Variants in ZNF516 observed in about 807,000 individuals in gnomAD.
The protein encoded by ZNF516 is zinc finger protein 516.
A neutral mutation model predicts 79.7 loss-of-function variants in ZNF516; 19 were observed. The observed-to-expected ratio is 0.24, with a 90% CI of 0.17 to 0.35. The LOEUF is 0.35. Ranked by LOEUF, ZNF516 falls within the 10% of genes least tolerant of loss-of-function variation. The pLI is 1.00. For synonymous variants in ZNF516, 877 were observed against 739.5 expected (o/e 1.19, Z -3.02); for missense variants, 1,678 against 1,679.5 (o/e 1.00, Z 0.02).
At chr18:76,423,119 G>T (rs2075529162) in intron 3 of ZNF516, among the ~76,000 whole-genome samples, 1 of 152,142 alleles carries the variant, frequency 6.6e-6, no homozygotes, top group Admixed American at 6.5e-5. Flanking sequence ...CAATCTAACA[G>T]AGACCCATTA....
chr18:76,362,188 C>T lies in ZNF516; in HGVS notation c.*310G>A. On this transcript the variant is annotated 3_prime_UTR_variant, in exon 7 of 7. Transcript: ENST00000443185. ...ACAGATGCCTTGTGCCCCTACTGTGCCTGCCAGTACTACTGTTTATTATAA... is the reference window on the plus strand; with the variant it reads ...ACAGATGCCTTGTGCCCCTACTGTGTCTGCCAGTACTACTGTTTATTATAA... 3.5e-6 allele frequency: 1 copy of T among 285,026 alleles called. No individual in the cohort carries two copies. 17.7% of individuals were successfully genotyped at this position (285,026 alleles called of 1,614,324 possible).
chr18:76,366,465 G>T (rs1050746770), intron 6 of ZNF516, among the ~76,000 whole-genome samples: 25 of 152,238 alleles, frequency 1.6e-4, no homozygotes, highest in African/African-American at 5.8e-4. Context: ...TCTCTTTAAT[G>T]AATAATTAAC....
intron 1 of ZNF516, among the ~76,000 whole-genome samples, chr18:76,487,042 T>C (rs1043443637): frequency 6.6e-6 from 1 of 152,350 alleles, no homozygotes; most frequent in Non-Finnish European, 1.5e-5. Flanking sequence ...ATTTACATGT[T>C]TGCTTTCTAA....
intron 3 of ZNF516, among the ~76,000 whole-genome samples, chr18:76,412,915 G>T (rs1485237237): frequency 1.3e-5 from 2 of 152,118 alleles, no homozygotes; most frequent in Non-Finnish European, 2.9e-5. Context: ...CCACCTCTGA[G>T]TCCCGCCATA....
intron 3 of ZNF516, among the ~76,000 whole-genome samples, chr18:76,403,578 A>T (rs1166030177): frequency 1.3e-5 from 2 of 152,126 alleles, no homozygotes; most frequent in East Asian, 3.9e-4. Flanking sequence ...CCCAGCCCTG[A>T]CCCTCACGTA....
intron 3 of ZNF516, among the ~76,000 whole-genome samples, chr18:76,418,279 A>C (rs114375517): frequency 0.019 from 2,848 of 152,214 alleles, 48 homozygotes; most frequent in African/African-American, 0.041. Flanking sequence ...ACTAACATAC[A>C]CTGTAACGCA....
At chr18:76,458,323 T>C (rs575243311) in intron 2 of ZNF516, among the ~76,000 whole-genome samples, 1 of 152,342 alleles carries the variant, frequency 6.6e-6, no homozygotes, top group African/African-American at 2.4e-5. Flanking sequence ...CCGCAGTGCA[T>C]GGAGCTCCAA....
At chr18:76,458,539 C>T (rs969004180) in intron 2 of ZNF516, among the ~76,000 whole-genome samples, 10 of 152,252 alleles carry the variant, frequency 6.6e-5, no homozygotes, top group African/African-American at 2.4e-4. Context: ...AAGGGAATCC[C>T]GTCCCTGAGA....
chr18:76,452,515 C>A (rs1319682986), intron 2 of ZNF516, among the ~76,000 whole-genome samples: 1 of 152,206 alleles, frequency 6.6e-6, no homozygotes, highest in African/African-American at 2.4e-5. Flanking sequence ...CTGGAGTCAT[C>A]ATGCTATTTA....
In ZNF516 at chr18:76,379,682, G is replaced by A; in HGVS notation, c.2432C>T (p.Ser811Phe). The change falls in exon 4 of 7, where the codon TCC becomes TTC. Residue 811 changes from serine to phenylalanine, a missense_variant. Around this residue, in one of 5 missense-constraint regions of ZNF516, gnomAD observed 1,294 missense variants for 1,248.3 expected, o/e 1.04. Transcript: ENST00000443185. ...CGGGGGGCCCGTGCGTCCGCTCCGG[G>A]AAAGGAAAACCAAATTGCTTCTGAT... ...KSIRSNLVFL[S>F]RSGRTGPPPA... 6.2e-7 allele frequency: 1 copy of A among 1,613,662 alleles called. No homozygotes were observed. Among genetic ancestry groups the A allele is most frequent in the East Asian group, 2.2e-5 (1 of 44,874 alleles).
At chr18:76,488,847 T>C (rs1914992165) in intron 1 of ZNF516, among the ~76,000 whole-genome samples, 2 of 152,254 alleles carry the variant, frequency 1.3e-5, no homozygotes, top group African/African-American at 4.8e-5. Flanking sequence ...GCACATTTAA[T>C]AGCAATGCCT....
At chr18:76,388,210 G>C (rs187181964) in intron 3 of ZNF516, 13 of 152,288 alleles carry the variant, frequency 8.5e-5, no homozygotes, top group Admixed American at 7.2e-4. Flanking sequence ...TGTATGACCC[G>C]ATTCTTCCTG....
At chr18:76,392,582 G>A (rs559997105) in intron 3 of ZNF516, among the ~76,000 whole-genome samples, 1 of 144,942 alleles carries the variant, frequency 6.9e-6, no homozygotes, top group African/African-American at 2.6e-5. Flanking sequence ...GGATGGGAAG[G>A]CAGGTGGCCG....
chr18:76,441,787 G>A lies in ZNF516; in HGVS notation c.1268C>T (p.Thr423Met), dbSNP rs558532980. Reference protein sequence around the residue: ...VNSYQAWQLATRGKVAEPAEY... With the variant: ...VNSYQAWQLAMRGKVAEPAEY... ...GGCCGGCTCGGCCACCTTACCCCGC[G>A]TGGCCAGCTGCCAGGCCTGGTAGCT... The change falls in exon 3 of 7, where the codon ACG (threonine) becomes ATG (methionine). Residue 423 changes from threonine (T) to methionine (M), a missense_variant. Thr to Met is a moderately conservative substitution (Grantham distance 81). This residue lies in a region of ZNF516 where 1,294 missense variants were observed against 1,248.3 expected (regional missense o/e 1.04). Transcript: ENST00000443185. The A allele has an allele frequency of 1.8e-5, 28 of 1,559,274 alleles. No homozygotes were observed. The East Asian group carries it at 3.6e-4, about 20-fold the overall frequency.
At chr18:76,496,416 C>T, upstream of ZNF516, 1 of 1,289,684 alleles carries the variant, frequency 7.8e-7, no homozygotes, top group South Asian at 1.2e-5. Flanking sequence ...GCGTCTCTCT[C>T]TGCGCCTCAC....
At chr18:76,413,629 G>A (rs991614059) in intron 3 of ZNF516, among the ~76,000 whole-genome samples, 12 of 151,676 alleles carry the variant, frequency 7.9e-5, no homozygotes, top group Admixed American at 2.0e-4. Context: ...ACACCTTAAC[G>A]CCCACCCCCA....
intron 2 of ZNF516, among the ~76,000 whole-genome samples, chr18:76,452,310 G>A (rs1912463325): frequency 6.6e-6 from 1 of 152,192 alleles, no homozygotes; most frequent in African/African-American, 2.4e-5. Flanking sequence ...ACGAGGTAGA[G>A]TGAAGGAGAA....
intron 3 of ZNF516, among the ~76,000 whole-genome samples, chr18:76,420,104 C>T (rs1218133531): frequency 1.3e-5 from 2 of 152,220 alleles, no homozygotes; most frequent in Non-Finnish European, 2.9e-5. Context: ...GCATTTAATA[C>T]CTGCATTTCT....
In ZNF516 at chr18:76,490,983, C is replaced by T. The variant is rs533608009; in HGVS notation, c.-272+4161G>A. Reference sequence around the variant, plus strand: ...GAACACAAAACCCCCACGCAGCAGCCCCTCGCGAGGCGCCCCAAGCCCGGG... The same window carrying T: ...GAACACAAAACCCCCACGCAGCAGCTCCTCGCGAGGCGCCCCAAGCCCGGG... On this transcript the variant is annotated intron_variant, in intron 1 of 6. Coordinates refer to ENST00000443185, the MANE Select transcript of ZNF516 (RefSeq NM_014643.4). 3.3e-4 allele frequency: 326 copies of T among 985,428 alleles called. No individual in the cohort carries two copies. The African/African-American group carries it at 5.3e-3, about 16-fold the overall frequency. The allele number at this position is 985,428 out of a possible 1,614,324, so 61.0% of individuals were successfully genotyped here. A position where few individuals can be genotyped will look rare whatever the true frequency, so the allele number is the denominator to read the frequency against.
Sources: allele counts gnomAD v4.1 joint callset (sites outside exome capture counted in the v4.1 genomes callset), GRCh38; gene constraint gnomAD v4.1.1; regional missense constraint gnomAD v4.1.1; transcripts MANE v1.5; gene names NCBI Gene and HGNC (gene_info 2026-07-23, HGNC 2026-07-21).